The following ADAMTS3 variants were observed in gnomAD, a reference collection of about 807,000 sequenced individuals.
The protein encoded by ADAMTS3 is A disintegrin and metalloproteinase with thrombospondin motifs 3.
A neutral mutation model predicts 129.0 loss-of-function variants in ADAMTS3; 73 were observed. That is an observed-to-expected ratio of 0.57 (90% confidence interval 0.47 to 0.69). ADAMTS3 has a LOEUF of 0.69. ADAMTS3 is among the 30% of genes least tolerant of loss of function. The pLI is 0.00. For missense variants in ADAMTS3, 1,457 were observed against 1,514.5 expected, an observed-to-expected ratio of 0.96 and a Z score of 0.63; for synonymous variants, 477 against 510.8, an observed-to-expected ratio of 0.93 and a Z score of 0.89.
intron 3 of ADAMTS3, among the ~76,000 whole-genome samples, chr4:72,419,364 A>G (rs1400434105): frequency 2.6e-5 from 4 of 152,238 alleles, no homozygotes; most frequent in Non-Finnish European, 2.9e-5. Context: ...ATGAAAAATT[A>G]CATGAATGAG....
At chr4:72,396,283 T>C (rs1721722553) in intron 4 of ADAMTS3, among the ~76,000 whole-genome samples, 3 of 152,106 alleles carry the variant, frequency 2.0e-5, no homozygotes, top group Admixed American at 2.0e-4. Context: ...AGTTTTCTCA[T>C]CAAAGATTTT....
chr4:72,434,717 T>C (rs538263038), intron 3 of ADAMTS3, among the ~76,000 whole-genome samples: 7 of 151,946 alleles, frequency 4.6e-5, no homozygotes, highest in African/African-American at 1.7e-4. Context: ...TTTAGTTGAG[T>C]TGAGTTGATT....
intron 3 of ADAMTS3, among the ~76,000 whole-genome samples, chr4:72,512,286 G>T (rs1275349210): frequency 6.6e-6 from 1 of 152,146 alleles, no homozygotes; most frequent in Non-Finnish European, 1.5e-5. Context: ...GAGGTCAGGA[G>T]TTCAAGACCA....
chr4:72,307,072 T>A (rs1460393708), intron 15 of ADAMTS3, among the ~76,000 whole-genome samples: 1 of 151,996 alleles, frequency 6.6e-6, no homozygotes, highest in Non-Finnish European at 1.5e-5. Flanking sequence ...ATACATATTC[T>A]ATGGAGAATA....
intron 18 of ADAMTS3, among the ~76,000 whole-genome samples, chr4:72,296,760 C>G (rs76851612): frequency 6.6e-6 from 1 of 152,136 alleles, no homozygotes; most frequent in Non-Finnish European, 1.5e-5. Flanking sequence ...TATTATCTAA[C>G]ATACAGACCT....
chr4:72,418,219 A>G (rs1232037640), intron 3 of ADAMTS3, among the ~76,000 whole-genome samples: 1 of 152,042 alleles, frequency 6.6e-6, no homozygotes, highest in Non-Finnish European at 1.5e-5. Flanking sequence ...TCTAGTATCT[A>G]TTTCAACTGA....
intron 4 of ADAMTS3, among the ~76,000 whole-genome samples, chr4:72,358,490 C>G (rs1240971183): frequency 6.6e-6 from 1 of 151,856 alleles, no homozygotes; most frequent in African/African-American, 2.4e-5. Flanking sequence ...ATCGTATGAA[C>G]TATTCATTTT....
intron 4 of ADAMTS3, among the ~76,000 whole-genome samples, chr4:72,400,293 A>G (rs1721874838): frequency 6.7e-6 from 1 of 149,624 alleles, no homozygotes; most frequent in South Asian, 2.1e-4. Context: ...GTGTGTGTAT[A>G]TACGTGTGTA....
At chr4:72,502,798 C>T (rs1720058481) in intron 3 of ADAMTS3, among the ~76,000 whole-genome samples, 1 of 152,010 alleles carries the variant, frequency 6.6e-6, no homozygotes, top group Non-Finnish European at 1.5e-5. Context: ...TATACACTTG[C>T]CATTGAGGTT....
At chr4:72,330,162 G>A (rs1719808449) in intron 5 of ADAMTS3, among the ~76,000 whole-genome samples, 1 of 151,986 alleles carries the variant, frequency 6.6e-6, no homozygotes, top group Non-Finnish European at 1.5e-5. Context: ...GGGATTACAG[G>A]TGCACACCAC....
At chr4:72,414,783 AT>A (rs766076663) in intron 4 of ADAMTS3, 31 bp downstream of exon 4, 245 of 1,334,772 alleles carry the variant, frequency 1.8e-4, no homozygotes, top group Non-Finnish European at 2.3e-4. Context: ...TTAAAATTAT[AT>A]TTCATTATTA....
intron 17 of ADAMTS3, among the ~76,000 whole-genome samples, chr4:72,300,625 T>C (rs1463370693): frequency 1.3e-5 from 2 of 152,100 alleles, no homozygotes; most frequent in Non-Finnish European, 2.9e-5. Flanking sequence ...TTCTAACAAA[T>C]AGTGCTAAAA....
intron 3 of ADAMTS3, among the ~76,000 whole-genome samples, chr4:72,490,638 T>C (rs1193760981): frequency 1.3e-5 from 2 of 151,930 alleles, no homozygotes; most frequent in African/African-American, 4.8e-5. Context: ...TGGCACATTG[T>C]TAAAGACCAG....
chr4:72,507,110 T>C (rs1720182519), intron 3 of ADAMTS3, among the ~76,000 whole-genome samples: 1 of 152,224 alleles, frequency 6.6e-6, no homozygotes, highest in African/African-American at 2.4e-5. Context: ...TGTGAATGTG[T>C]ATATCTGCAT....
At chr4:72,512,708 G>GC (rs1720348578) in intron 3 of ADAMTS3, among the ~76,000 whole-genome samples, 1 of 151,926 alleles carries the variant, frequency 6.6e-6, no homozygotes, top group Non-Finnish European at 1.5e-5. Context: ...AACATCTCAT[G>GC]CCCCCCGTAA....
chr4:72,343,690 C>G (rs1386984360), intron 4 of ADAMTS3, among the ~76,000 whole-genome samples: 1 of 151,698 alleles, frequency 6.6e-6, no homozygotes, highest in Non-Finnish European at 1.5e-5. Flanking sequence ...ACAGAATTAG[C>G]AGAAAAAAAG....
In ADAMTS3 at chr4:72,318,781, T is replaced by A. The variant is rs140759400; in HGVS notation, c.1353-77A>T. The A allele has an allele frequency of 1.5e-3, 2,151 of 1,399,316 alleles. 25 individuals carry two copies. In the African/African-American group the frequency reaches 0.024, roughly 15 times the overall value. 86.7% of individuals were successfully genotyped at this position (1,399,316 alleles called of 1,614,324 possible). On this transcript the variant is annotated intron_variant, in intron 9 of 21. Coordinates refer to ENST00000286657, the MANE Select transcript of ADAMTS3 (RefSeq NM_014243.3). The stretch of plus-strand genomic sequence containing the variant: ...TGTCCTGATTTAAAAAAAAGTAGTC[T>A]TAGCTTATATACTTTAGAATTTCAT...
intron 2 of ADAMTS3, 40 bp from the exon 3 acceptor site, chr4:72,548,924 A>AGG: frequency 6.4e-7 from 1 of 1,565,492 alleles, no homozygotes. Flanking sequence ...CCTGTACAAT[A>AGG]AGAGAACACA....
chr4:72,533,678 TGCACAC>T (rs1721111956), intron 3 of ADAMTS3, among the ~76,000 whole-genome samples: 3 of 138,650 alleles, frequency 2.2e-5, no homozygotes, highest in Admixed American at 7.1e-5. Flanking sequence ...TGCACATATA[TGCACAC>T]ATGTATATAT....
Sources: gnomAD v4.1 joint callset for allele counts (sites outside exome capture counted in the v4.1 genomes callset) on GRCh38, gnomAD v4.1.1 for gene constraint, MANE v1.5 for transcripts, NCBI Gene and HGNC (gene_info 2026-07-23, HGNC 2026-07-21) for gene names.